Variants in ARCN1 observed in about 807,000 individuals in gnomAD.
ARCN1 encodes archain 1 coat protein complex I subunit delta.
A neutral mutation model predicts 60.4 loss-of-function variants in ARCN1; 5 were observed. The ratio of observed to expected loss-of-function variants is 0.08; its 90% CI spans 0.04 to 0.17. ARCN1 has a LOEUF of 0.17. Among genes scored for constraint, ARCN1 ranks in the 10% least tolerant of loss-of-function variants. The probability of loss-of-function intolerance (pLI) is 1.00; values close to 1 mark genes in which losing one functional copy is unlikely to be tolerated. For synonymous variants in ARCN1, 224 were observed against 220.0 expected (o/e 1.02, Z -0.16); for missense variants, 464 against 626.5 (o/e 0.74, Z 2.77).
chr11:118,581,351 C>T lies in ARCN1; in HGVS notation c.109C>T (p.Pro37Ser). ...GATTGAGGGCTTATTAGCAGCTTTT[C>T]CAAAGCTCATGAACACTGGAAAACA... The part of the protein sequence containing the change: ...TRIEGLLAAF[P>S]KLMNTGKQHT... Residue 37 changes from proline to serine, a missense_variant, in exon 2 of 10, where the codon CCA (proline) becomes TCA (serine). This residue lies in a region of ARCN1 where 105 missense variants were observed against 186.3 expected (regional missense o/e 0.56). Transcript: ENST00000264028. The T allele has an allele frequency of 6.2e-7, 1 of 1,614,156 alleles. No homozygotes were observed.
intron 8 of ARCN1, 116 bp from the exon 9 acceptor site, chr11:118,597,591 A>C: frequency 9.6e-7 from 1 of 1,043,272 alleles, no homozygotes; most frequent in Non-Finnish European, 1.4e-6. Context: ...TTTTCCCCTG[A>C]AATTGTAGTC....
intron 8 of ARCN1, 175 bp downstream of exon 8, chr11:118,593,873 G>A (rs907286170): frequency 4.3e-6 from 2 of 470,154 alleles, no homozygotes; most frequent in Admixed American, 3.3e-5. Flanking sequence ...CCACTTCTTT[G>A]TCTTTCTGGA....
intron 7 of ARCN1, 119 bp from the exon 8 acceptor site, chr11:118,593,471 T>A: frequency 2.4e-5 from 11 of 463,306 alleles, no homozygotes; most frequent in Non-Finnish European, 3.2e-5. Flanking sequence ...CCTCAACCAA[T>A]CCTCCCACCT....
intron 8 of ARCN1, among the ~76,000 whole-genome samples, chr11:118,595,564 A>G (rs1939007405): frequency 6.6e-6 from 1 of 152,228 alleles, no homozygotes; most frequent in Non-Finnish European, 1.5e-5. Context: ...TAAATGGCCC[A>G]CTATCTAGGA....
chr11:118,595,461 G>GT, intron 8 of ARCN1, among the ~76,000 whole-genome samples: 1 of 152,246 alleles, frequency 6.6e-6, no homozygotes, highest in East Asian at 1.9e-4. Context: ...ATCTTGACAT[G>GT]TTTACACTTG....
chr11:118,584,475 C>T lies in ARCN1; in HGVS notation c.654-5C>T, dbSNP rs1444479240. 6.2e-7 allele frequency: 1 copy of T among 1,602,852 alleles called. No individual in the cohort carries two copies. On this transcript the variant is annotated splice_region_variant and splice_polypyrimidine_tract_variant and intron_variant, in intron 4 of 9. Transcript: ENST00000264028. ...GGGTAATGAATTTCAAATTCTTCCACTTAGGCCTTCAGGCCCCAGCAAGGC... is the reference window on the plus strand; with the variant it reads ...GGGTAATGAATTTCAAATTCTTCCATTTAGGCCTTCAGGCCCCAGCAAGGC...
intron 1 of ARCN1, 108 bp downstream of exon 1, chr11:118,572,658 G>T (rs1191680953): frequency 7.0e-7 from 1 of 1,435,040 alleles, no homozygotes; most frequent in East Asian, 2.5e-5. Context: ...AGGGTCTAGG[G>T]CAGAGTGCTT....
At chr11:118,583,682 CAGGAAGTTGAGGCT>C in intron 3 of ARCN1, 113 bp from the exon 4 acceptor site, 2 of 970,908 alleles carry the variant, frequency 2.1e-6, no homozygotes, top group East Asian at 5.1e-5. Flanking sequence ...CACTTGAGCC[CAGGAAGTTGAGGCT>C]GCAGTGAGCT....
At chr11:118,586,852 C>CA (rs781894156) in intron 5 of ARCN1, among the ~76,000 whole-genome samples, 5,581 of 52,240 alleles carry the variant, frequency 0.11, 161 homozygotes, top group African/African-American at 0.15. Context: ...ACTCTATCTC[C>CA]AAAAAAAAAA....
intron 9 of ARCN1, among the ~76,000 whole-genome samples, chr11:118,599,837 G>A (rs533285804): frequency 6.6e-6 from 1 of 151,976 alleles, no homozygotes; most frequent in Non-Finnish European, 1.5e-5. Flanking sequence ...TTCCCATATG[G>A]TCTCCGTCTC....
intron 1 of ARCN1, among the ~76,000 whole-genome samples, chr11:118,575,576 A>G (rs565001090): frequency 1.9e-4 from 29 of 152,298 alleles, no homozygotes; most frequent in African/African-American, 6.7e-4. Context: ...TTTATCTATA[A>G]TAGCTTCATA....
intron 1 of ARCN1, among the ~76,000 whole-genome samples, chr11:118,579,281 C>G (rs781917601): frequency 1.7e-4 from 26 of 151,972 alleles, no homozygotes; most frequent in Admixed American, 1.4e-3. Context: ...AAAGGAGAAA[C>G]CAATGTGAAA....
At chr11:118,582,768 C>A (rs60112336) in intron 2 of ARCN1, among the ~76,000 whole-genome samples, 1 of 144,042 alleles carries the variant, frequency 6.9e-6, no homozygotes, top group Non-Finnish European at 1.5e-5. Context: ...AGGCTGGGCG[C>A]AGTGGCTCAC....
chr11:118,581,538 C>T lies in ARCN1; in HGVS notation c.267+29C>T, dbSNP rs1280170658. 5.7e-6 allele frequency: 9 copies of T among 1,568,352 alleles called. No homozygotes were observed. In the East Asian group the frequency reaches 1.8e-4, roughly 31 times the overall value. On this transcript the variant is annotated intron_variant, in intron 2 of 9. Transcript: ENST00000264028. ...AGAGTACTGCTATAATACTGGGTTC[C>T]ACTTTTTGTTTTACATTTTATGTGA...
In ARCN1 at chr11:118,601,595, A is replaced by C. The variant is rs782078754; in HGVS notation, c.*881A>C. The C allele has an allele frequency of 7.1e-6, 5 of 702,118 alleles. No individual in the cohort carries two copies. The highest frequency in any genetic ancestry group is 1.3e-5 in the Non-Finnish European group (5 of 384,510). The allele number at this position is 702,118 out of a possible 1,614,324, so 43.5% of individuals were successfully genotyped here. On this transcript the variant is annotated 3_prime_UTR_variant, in exon 10 of 10. Coordinates refer to ENST00000264028, the MANE Select transcript of ARCN1 (RefSeq NM_001655.5). ...CCCATTCTTGATTTTTGGACTATTC[A>C]GGTGAACTATTTGAGGGGTATGGGG...
intron 6 of ARCN1, 43 bp downstream of exon 6, chr11:118,590,549 C>A: frequency 1.3e-6 from 2 of 1,592,168 alleles, no homozygotes; most frequent in South Asian, 1.1e-5. Flanking sequence ...ACTTTGTCTA[C>A]CTATTATAGT....
At chr11:118,589,286 G>T (rs933361357) in intron 5 of ARCN1, among the ~76,000 whole-genome samples, 2 of 152,222 alleles carry the variant, frequency 1.3e-5, no homozygotes, top group South Asian at 4.1e-4. Flanking sequence ...TTAACAATAG[G>T]TGAATCTGGA....
intron 8 of ARCN1, among the ~76,000 whole-genome samples, chr11:118,595,839 G>A (rs749195923): frequency 2.6e-5 from 4 of 152,104 alleles, no homozygotes; most frequent in African/African-American, 7.2e-5. Context: ...AGGCCGAGGC[G>A]GGCGGATCAC....
chr11:118,593,328 A>G (rs1176907569), intron 7 of ARCN1, among the ~76,000 whole-genome samples: 1 of 151,526 alleles, frequency 6.6e-6, no homozygotes, highest in East Asian at 1.9e-4. Flanking sequence ...TCCTGGGTTC[A>G]GCTGATCTCC....
Sources: allele counts gnomAD v4.1 joint callset (sites outside exome capture counted in the v4.1 genomes callset), GRCh38; gene constraint gnomAD v4.1.1; regional missense constraint gnomAD v4.1.1; transcripts MANE v1.5; gene names NCBI Gene and HGNC (gene_info 2026-07-23, HGNC 2026-07-21).